The following PCDHA1 variants were observed in gnomAD, a reference collection of about 807,000 sequenced individuals.
PCDHA1 encodes the protein protocadherin alpha-1.
In PCDHA1, 42 loss-of-function variants were observed where a neutral mutation model predicts 61.3. The observed-to-expected ratio is 0.69, with a 90% confidence interval of 0.54 to 0.89. The LOEUF is 0.89. PCDHA1 is among the 40% of genes least tolerant of loss of function. PCDHA1 has a pLI of 0.00. For missense variants in PCDHA1, 1,256 were observed against 1,235.3 expected, an observed-to-expected ratio of 1.02 and a Z score of -0.25; for synonymous variants, 610 against 553.8, an observed-to-expected ratio of 1.10 and a Z score of -1.43.
At chr5:140,796,385 T>G (rs1762075788) in intron 1 of PCDHA1, 2 of 1,613,386 alleles carry the variant, frequency 1.2e-6, no homozygotes, top group Non-Finnish European at 8.5e-7. Context: ...GGCTGCCACA[T>G]CTTCACGGTG....
At chr5:140,827,861 G>A in intron 1 of PCDHA1, 2 of 599,246 alleles carry the variant, frequency 3.3e-6, no homozygotes, top group Non-Finnish European at 5.8e-6. Flanking sequence ...AAAATATATG[G>A]TATAGCACTG....
rs1434027533 is a variant in PCDHA1, at chr5:140,831,618, C to A, written c.2394+42934C>A. ...GTGCAAGTGATCTGCCCACCTTGGC[C>A]TCCCAAAGTACTAAGATTATAGGTG... On this transcript the variant is annotated intron_variant, in intron 1 of 3. Coordinates refer to ENST00000504120, the MANE Select transcript of PCDHA1 (RefSeq NM_018900.4). 2.6e-5 allele frequency among the ~76,000 whole-genome samples: 4 copies of A among 151,234 alleles called. No homozygotes were observed. In the South Asian group the frequency reaches 8.3e-4, roughly 32 times the overall value.
In PCDHA1 at chr5:140,968,565, C is replaced by T. The variant is rs532751675; in HGVS notation, c.2395-10384C>T. ...GAGATGGTGCCTCGAACTGCCCCTG[C>T]TGGCTACCTGGTCACCAAAGTCATA... is the stretch of plus-strand genomic sequence containing the variant. On this transcript the variant is annotated intron_variant, in intron 1 of 3. Coordinates refer to ENST00000504120, the MANE Select transcript of PCDHA1 (RefSeq NM_018900.4). 4.3e-6 allele frequency: 7 copies of T among 1,614,206 alleles called. No homozygotes were observed. The African/African-American group carries it at 6.7e-5, about 15-fold the overall frequency.
At chr5:140,850,125 C>T (rs2041366317) in intron 1 of PCDHA1, 1 of 1,596,002 alleles carries the variant, frequency 6.3e-7, no homozygotes, top group Non-Finnish European at 8.6e-7. Context: ...GGGCGTGCCG[C>T]CTCTGGGCAG....
chr5:140,815,561 C>G (rs2126665588), intron 1 of PCDHA1: 1 of 151,632 alleles, frequency 6.6e-6, no homozygotes, highest in Non-Finnish European at 1.5e-5. Flanking sequence ...TTTTTCTGTA[C>G]TTTTGTCTTT....
chr5:140,967,698 A>T, intron 1 of PCDHA1: 1 of 1,614,174 alleles, frequency 6.2e-7, no homozygotes, highest in Non-Finnish European at 8.5e-7. Context: ...TTCAGCATAG[A>T]TGCCAGTACC....
intron 1 of PCDHA1, chr5:140,814,903 T>C (rs74593738): frequency 6.6e-6 from 1 of 152,238 alleles, no homozygotes; most frequent in Non-Finnish European, 1.5e-5. Context: ...AATTGCTATG[T>C]CCTTCTGGTG....
chr5:140,821,618 T>C, intron 1 of PCDHA1: 1 of 858,038 alleles, frequency 1.2e-6, no homozygotes, highest in Non-Finnish European at 1.7e-6. Context: ...TGAGTAGATT[T>C]TCCTTAGACA....
chr5:140,906,575 T>C (rs1443480852), intron 1 of PCDHA1, among the ~76,000 whole-genome samples: 1 of 152,242 alleles, frequency 6.6e-6, no homozygotes, highest in Non-Finnish European at 1.5e-5. Context: ...ATAGCTGGTA[T>C]TGATGACTAC....
At chr5:140,927,502 A>G (rs1554204633) in intron 1 of PCDHA1, 1 of 1,614,134 alleles carries the variant, frequency 6.2e-7, no homozygotes, top group Non-Finnish European at 8.5e-7. Context: ...GCTGGTGCTT[A>G]CAGCTCGGGA....
chr5:140,834,509 C>T (rs1773064417), intron 1 of PCDHA1: 2 of 1,614,012 alleles, frequency 1.2e-6, no homozygotes, highest in Admixed American at 1.7e-5. Flanking sequence ...CTAAACATGG[C>T]AACTTCGTGG....
rs536794003 is a variant in PCDHA1, at chr5:140,982,215, G to A, written c.2454-260G>A. Reference sequence around the variant, plus strand: ...CTGTTAGATTTAGTGAGCGCCACATGGCGTTAATAAAAAACAGAATTGCCA... The same window carrying A: ...CTGTTAGATTTAGTGAGCGCCACATAGCGTTAATAAAAAACAGAATTGCCA... On this transcript the variant is annotated intron_variant, in intron 2 of 3. Coordinates refer to ENST00000504120, the MANE Select transcript of PCDHA1 (RefSeq NM_018900.4). The A allele has an allele frequency of 2.0e-5, 10 of 491,624 alleles. No individual in the cohort carries two copies. In the South Asian group the frequency reaches 3.6e-4, roughly 18 times the overall value. The allele number at this position is 491,624 out of a possible 1,614,324, so 30.5% of individuals were successfully genotyped here. A position where few individuals can be genotyped will look rare whatever the true frequency, so the allele number is the denominator to read the frequency against.
Position 140,810,871 on chromosome 5 carries a change from T to G in PCDHA1, c.2394+22187T>G, listed in dbSNP as rs144832294. On this transcript the variant is annotated intron_variant, in intron 1 of 3. Coordinates refer to ENST00000504120, the MANE Select transcript of PCDHA1 (RefSeq NM_018900.4). ...TTAAACTCAATTTATCAATTTTTGC[T>G]TCTGATCCTATTTCACAAAGATAAT... is the stretch of plus-strand genomic sequence containing the variant. 140 of 152,330 alleles carry G rather than the reference T, an allele frequency of 9.2e-4. 1 individual carries two copies. The highest frequency in any genetic ancestry group is 3.3e-3 in the African/African-American group (137 of 41,582). 9.4% of individuals were successfully genotyped at this position (152,330 alleles called of 1,614,324 possible).
chr5:141,001,488 ATGCTAGCCCAGGT>A (rs1261759985), intron 3 of PCDHA1, among the ~76,000 whole-genome samples: 3 of 152,210 alleles, frequency 2.0e-5, no homozygotes, highest in Non-Finnish European at 4.4e-5. Flanking sequence ...AGTGCTGGAA[ATGCTAGCCCAGGT>A]GGGCTTAGCT....
chr5:140,913,099 C>T (rs1413383908), intron 1 of PCDHA1, among the ~76,000 whole-genome samples: 4 of 152,132 alleles, frequency 2.6e-5, no homozygotes, highest in Non-Finnish European at 4.4e-5. Context: ...ATACTGGCCT[C>T]ATAGAATCAG....
intron 1 of PCDHA1, among the ~76,000 whole-genome samples, chr5:140,894,790 T>C (rs943284227): frequency 6.6e-6 from 1 of 152,164 alleles, no homozygotes. Flanking sequence ...ATTTGTCCTC[T>C]CCTTTAAAAA....
At chr5:140,857,208 C>G (rs1554149670) in intron 1 of PCDHA1, 4 of 1,598,578 alleles carry the variant, frequency 2.5e-6, no homozygotes, top group Non-Finnish European at 3.4e-6. Flanking sequence ...GTCACCTGCT[C>G]TCTGACGCCT....
intron 1 of PCDHA1, among the ~76,000 whole-genome samples, chr5:140,957,916 T>C (rs1554223208): frequency 6.6e-6 from 1 of 152,114 alleles, no homozygotes; most frequent in African/African-American, 2.4e-5. Context: ...TTGTTATCTA[T>C]GTATCAAGCT....
At chr5:140,903,269 G>A (rs1251669520) in intron 1 of PCDHA1, among the ~76,000 whole-genome samples, 4 of 152,140 alleles carry the variant, frequency 2.6e-5, no homozygotes, top group African/African-American at 4.8e-5. Context: ...CAGGAGTGAG[G>A]TAGTGTCTCA....
Sources: allele counts gnomAD v4.1 joint callset (sites outside exome capture counted in the v4.1 genomes callset), GRCh38; gene constraint gnomAD v4.1.1; transcripts MANE v1.5; gene names NCBI Gene and HGNC (gene_info 2026-07-23, HGNC 2026-07-21).